DPP6: variants seen among roughly 807,000 people sequenced by gnomAD.
DPP6 encodes the protein A-type potassium channel modulatory protein DPP6.
Under a neutral mutation model 122.6 loss-of-function variants are expected in DPP6, and 69 were observed. The ratio of observed to expected loss-of-function variants is 0.56; its 90% confidence interval spans 0.46 to 0.69. DPP6 has a LOEUF of 0.69. DPP6 is among the 30% of genes least tolerant of loss of function. The pLI, the probability that DPP6 is intolerant of heterozygous loss-of-function variation, is 0.00. For missense variants in DPP6, 928 were observed against 1,116.9 expected (o/e 0.83, Z 2.41); for synonymous variants, 418 against 433.1 (o/e 0.97, Z 0.43).
intron 5 of DPP6, among the ~76,000 whole-genome samples, chr7:154,578,478 G>T (rs1248697212): frequency 6.6e-6 from 1 of 152,120 alleles, no homozygotes; most frequent in Admixed American, 6.5e-5. Context: ...GGCAGGCTGC[G>T]TGCAAGAGTA....
At position 154,794,137 on chromosome 7, in the gene DPP6, C is replaced by A; in HGVS notation, c.1195C>A (p.Leu399Met). Residue 399 changes from leucine (L) to methionine (M), a missense_variant, in exon 11 of 26, where the codon CTG becomes ATG. Transcript: ENST00000377770. ...ATSTKVAVTWLNRAQNVSILT... is the reference protein window; with the variant it reads ...ATSTKVAVTWMNRAQNVSILT... Reference sequence around the variant, plus strand: ...CAGCACCAAGGTCGCCGTGACCTGGCTGAACCGGGCGCAGAACGTGTCCAT... The same window carrying A: ...CAGCACCAAGGTCGCCGTGACCTGGATGAACCGGGCGCAGAACGTGTCCAT... 6.2e-7 allele frequency: 1 copy of A among 1,613,466 alleles called. No individual in the cohort carries two copies. Among genetic ancestry groups the A allele is most frequent in the Non-Finnish European group, 8.5e-7 (1 of 1,179,652 alleles).
At chr7:154,465,228 A>G (rs546900950) in intron 2 of DPP6, among the ~76,000 whole-genome samples, 1 of 152,400 alleles carries the variant, frequency 6.6e-6, no homozygotes, top group Non-Finnish European at 1.5e-5. Context: ...TTGCATTTCT[A>G]TGTACTAGCA....
the DPP6 span, among the ~76,000 whole-genome samples, chr7:153,846,631 C>T: frequency 6.6e-6 from 1 of 150,844 alleles, no homozygotes; most frequent in Non-Finnish European, 1.5e-5. Flanking sequence ...TCTGCAATTC[C>T]AATTATATGT....
intron 2 of DPP6, among the ~76,000 whole-genome samples, chr7:154,454,524 A>G (rs1412180160): frequency 6.6e-6 from 1 of 152,154 alleles, no homozygotes; most frequent in Non-Finnish European, 1.5e-5. Flanking sequence ...TCCAGTAGAG[A>G]TGGAAGAAAA....
intron 1 of DPP6, among the ~76,000 whole-genome samples, chr7:154,209,738 C>T (rs1312402326): frequency 6.6e-6 from 1 of 152,110 alleles, no homozygotes; most frequent in Non-Finnish European, 1.5e-5. Flanking sequence ...CTGTGAAAAG[C>T]CAGGTCAGGA....
In DPP6 at chr7:154,057,406, G is replaced by A. The variant is rs369632663; in HGVS notation, c.243+4343G>A. On this transcript the variant is annotated intron_variant, in intron 1 of 25. Transcript: ENST00000377770. Reference sequence around the variant, plus strand: ...CCCCCACTGGCTTAGGACGCCCATCGGGGATCCTAAGATCCTTAGGACCCA... The same window carrying A: ...CCCCCACTGGCTTAGGACGCCCATCAGGGATCCTAAGATCCTTAGGACCCA... The A allele has an allele frequency of 1.1e-4, 24 of 227,426 alleles. No individual in the cohort carries two copies. The South Asian group carries it at 3.4e-3, about 32-fold the overall frequency. 14.1% of individuals were successfully genotyped at this position (227,426 alleles called of 1,614,324 possible).
intron 1 of DPP6, among the ~76,000 whole-genome samples, chr7:154,283,466 T>C (rs933092236): frequency 1.3e-5 from 2 of 151,804 alleles, no homozygotes; most frequent in African/African-American, 4.9e-5. Context: ...TCATAGTCAT[T>C]ATCATCATCA....
chr7:154,551,784 GAGCTGAGGGAACA>G (rs148483579), intron 4 of DPP6, among the ~76,000 whole-genome samples: 2,596 of 152,120 alleles, frequency 0.017, 70 homozygotes, highest in African/African-American at 0.057. Flanking sequence ...AAATGTATGG[GAGCTGAGGGAACA>G]AGCAGAGAAG....
chr7:154,167,880 C>T lies in DPP6; in HGVS notation c.243+114817C>T, dbSNP rs374944209. On this transcript the variant is annotated intron_variant, in intron 1 of 25. Transcript: ENST00000377770. ...TGTCAGGCTCCCAGGCCTGCAGGCT[C>T]AGAGTGTATGCAGGGCGAATGCTGC... Among the ~76,000 whole-genome samples the T allele has an allele frequency of 9.8e-5, 15 of 152,348 alleles. No homozygotes were observed. The South Asian group carries it at 3.1e-3, about 32-fold the overall frequency.
At chr7:154,522,474 A>T (rs6956919) in intron 3 of DPP6, among the ~76,000 whole-genome samples, 40,932 of 151,976 alleles carry the variant, frequency 0.27, 5,832 homozygotes, top group African/African-American at 0.38. Context: ...AAGCTGGGAA[A>T]TCTCCAGGTC....
chr7:154,416,670 C>T (rs1159308747), intron 1 of DPP6, among the ~76,000 whole-genome samples: 1 of 57,620 alleles, frequency 1.7e-5, no homozygotes, highest in Admixed American at 2.4e-4. Flanking sequence ...GGCGTGTATT[C>T]TCCCCCACCA....
At chr7:153,855,252 TAATA>T in the DPP6 span, among the ~76,000 whole-genome samples, 355 of 146,100 alleles carry the variant, frequency 2.4e-3, no homozygotes, top group African/African-American at 8.4e-3. Flanking sequence ...AAAAAAGAAA[TAATA>T]AAAATAATAC....
At chr7:153,837,369 T>C in the DPP6 span, among the ~76,000 whole-genome samples, 1 of 152,210 alleles carries the variant, frequency 6.6e-6, no homozygotes, top group South Asian at 2.1e-4. Flanking sequence ...ATCGCTACAA[T>C]TCTGCAAGGC....
chr7:154,599,671 G>T (rs1451948948), intron 5 of DPP6, among the ~76,000 whole-genome samples: 1 of 147,878 alleles, frequency 6.8e-6, no homozygotes, highest in African/African-American at 2.5e-5. Flanking sequence ...CCCTCCCCCA[G>T]CCCCCCACCC....
rs553972264 is a variant in DPP6, at chr7:154,128,162, T to C, written c.243+75099T>C. 2.3e-4 allele frequency among the ~76,000 whole-genome samples: 34 copies of C among 150,856 alleles called. No homozygotes were observed. In the East Asian group the frequency reaches 6.6e-3, roughly 29 times the overall value. On this transcript the variant is annotated intron_variant, in intron 1 of 25. Transcript: ENST00000377770. ...ACTTGCCACATCCCTGAAATACGAA[T>C]TGCATGAATTTTATGCTGGAACAAG...
intron 1 of DPP6, among the ~76,000 whole-genome samples, chr7:154,060,092 G>C (rs565871561): frequency 2.0e-3 from 296 of 145,488 alleles, no homozygotes; most frequent in African/African-American, 7.2e-3. Context: ...ACCATCGCAG[G>C]GGGGGAGGCA....
At chr7:154,197,166 A>G (rs1221866181) in intron 1 of DPP6, among the ~76,000 whole-genome samples, 1 of 151,856 alleles carries the variant, frequency 6.6e-6, no homozygotes, top group Admixed American at 6.6e-5. Flanking sequence ...GTGAATTGCA[A>G]TCTTTATTCA....
At chr7:153,864,670 AATACACACACAC>A in the DPP6 span, among the ~76,000 whole-genome samples, 1 of 100,504 alleles carries the variant, frequency 9.9e-6, no homozygotes, top group African/African-American at 4.1e-5. Flanking sequence ...AAATAATAAT[AATACACACACAC>A]ACACACACAC....
At chr7:154,024,775 G>A (rs1431740404) in intron 1 of DPP6, among the ~76,000 whole-genome samples, 1 of 152,258 alleles carries the variant, frequency 6.6e-6, no homozygotes, top group Non-Finnish European at 1.5e-5. Flanking sequence ...CCCCGTGAGT[G>A]TGAGATCTGC....
Sources: allele counts gnomAD v4.1 joint callset (sites outside exome capture counted in the v4.1 genomes callset), GRCh38; gene constraint gnomAD v4.1.1; transcripts MANE v1.5; gene names NCBI Gene and HGNC (gene_info 2026-07-23, HGNC 2026-07-21).